Variants in PGAP6 observed in about 807,000 individuals in gnomAD.
The protein encoded by PGAP6 is post-GPI attachment to proteins 6.
PGAP6 carries 62 observed loss-of-function variants against 68.4 expected under a neutral mutation model. The observed-to-expected ratio is 0.91, with a 90% CI of 0.74 to 1.12. PGAP6 has a LOEUF of 1.12. PGAP6 is among the 50% of genes most tolerant of loss of function. The probability of loss-of-function intolerance (pLI) is 0.00; values close to 1 mark genes in which losing one functional copy is unlikely to be tolerated. For missense variants in PGAP6, 1,188 were observed against 1,068.5 expected, an observed-to-expected ratio of 1.11 and a Z score of -1.56; for synonymous variants, 575 against 474.0, an observed-to-expected ratio of 1.21 and a Z score of -2.77.
rs1246224358 is a variant in PGAP6, at chr16:370,850, T to TA, written c.*1136dup. The TA allele has an allele frequency of 6.6e-6, 1 of 152,518 alleles. No individual in the cohort carries two copies. Among genetic ancestry groups the TA allele is most frequent in the East Asian group, 1.9e-4 (1 of 5,170 alleles). 9.4% of individuals were successfully genotyped at this position (152,518 alleles called of 1,614,324 possible). ...CAAACACAGATAGATCAGATCTACA[T>TA]AAAAATATGTCTTAATATCTTAGAA... On this transcript the variant is annotated 3_prime_UTR_variant, in exon 13 of 13. Transcript: ENST00000431232.
chr16:382,460 G>A, upstream of PGAP6: 1 of 373,704 alleles, frequency 2.7e-6, no homozygotes, highest in Admixed American at 4.6e-5. Flanking sequence ...CGGCCTTCAC[G>A]CCGCAGAGCC....
At chr16:377,899 C>T (rs1192406998) in intron 1 of PGAP6, 51 bp from the exon 2 acceptor site, 2 of 1,477,662 alleles carry the variant, frequency 1.4e-6, no homozygotes, top group Admixed American at 4.3e-5. Flanking sequence ...TCCAGGGCCG[C>T]AGATGGGGAG....
chr16:382,751 G>C (rs1573736), upstream of PGAP6, among the ~76,000 whole-genome samples: 1 of 144,782 alleles, frequency 6.9e-6, no homozygotes, highest in African/African-American at 2.5e-5. Flanking sequence ...TGGGTGGGAG[G>C]GGGGTGGGGG....
rs750590444 is a variant in PGAP6, at chr16:372,067, G to A, written c.2236C>T (p.Pro746Ser). 3 of 1,612,492 alleles carry A rather than the reference G, an allele frequency of 1.9e-6. No individual in the cohort carries two copies. Among genetic ancestry groups the A allele is most frequent in the African/African-American group, 2.7e-5 (2 of 75,012 alleles). The change falls in exon 13 of 13, where the codon CCC becomes TCC. Residue 746 changes from proline (P) to serine (S), a missense_variant. Pro to Ser is a moderately conservative substitution (Grantham distance 74, BLOSUM62 -1). Coordinates refer to ENST00000431232, the MANE Select transcript of PGAP6 (RefSeq NM_021259.3). ...GGGAATTTCTGCGAGCAGGCCCAGG[G>A]CTCGGCGGGCTGGTCAGGTGGCGGC... is the stretch of plus-strand genomic sequence containing the variant. ...LLPPPDQPAE[P>S]WACSQKFPCH...
upstream of PGAP6, among the ~76,000 whole-genome samples, chr16:384,855 CAA>C (rs559192580): frequency 1.1e-4 from 12 of 110,122 alleles, no homozygotes; most frequent in Non-Finnish European, 1.3e-4. Flanking sequence ...GACTCCATCT[CAA>C]AAAAAAAAAA....
At chr16:380,794 G>A (rs1354624736) in intron 1 of PGAP6, among the ~76,000 whole-genome samples, 3 of 151,074 alleles carry the variant, frequency 2.0e-5, no homozygotes, top group Non-Finnish European at 4.4e-5. Context: ...TATTTCAGGG[G>A]CAGGGGAGGG....
chr16:375,990 C>G, intron 6 of PGAP6, 146 bp downstream of exon 6: 1 of 835,894 alleles, frequency 1.2e-6, no homozygotes, highest in Non-Finnish European at 1.8e-6. Flanking sequence ...AGGGGAGGCC[C>G]CCCAACATGG....
intron 1 of PGAP6, 31 bp downstream of exon 1, chr16:381,670 G>A: frequency 8.9e-7 from 1 of 1,119,526 alleles, no homozygotes; most frequent in East Asian, 3.7e-5. Flanking sequence ...CCGGCCCCAC[G>A]CCCCCGATGG....
chr16:381,650 G>A, intron 1 of PGAP6, 51 bp downstream of exon 1: 18 of 986,982 alleles, frequency 1.8e-5, no homozygotes, highest in South Asian at 4.8e-5. Flanking sequence ...ATCCCGCCCC[G>A]CCCGCAGCCC....
chr16:372,345 C>T, intron 12 of PGAP6, 62 bp from the exon 13 acceptor site: 1 of 1,529,594 alleles, frequency 6.5e-7, no homozygotes, highest in Admixed American at 1.8e-5. Flanking sequence ...CTCCCAGGGC[C>T]CAGATACGGT....
In PGAP6 at chr16:381,951, G is replaced by T; in HGVS notation, c.-130C>A. ...TGCCCCCGGCGCCCATGGCCCGGCC[G>T]GTCCCCGCCGCCGTCGCCCCGGGCA... On this transcript the variant is annotated 5_prime_UTR_variant, in exon 1 of 13. Transcript: ENST00000431232. 2.1e-6 allele frequency: 2 copies of T among 973,874 alleles called. No individual in the cohort carries two copies. Among genetic ancestry groups the T allele is most frequent in the South Asian group, 4.6e-5 (1 of 21,858 alleles). 60.3% of individuals were successfully genotyped at this position (973,874 alleles called of 1,614,324 possible).
intron 1 of PGAP6, 121 bp downstream of exon 1, chr16:381,579 CG>C: frequency 1.3e-6 from 1 of 769,570 alleles, no homozygotes; most frequent in Non-Finnish European, 1.7e-6. Flanking sequence ...CAACCCGCGG[CG>C]GGGACCCCCA....
intron 12 of PGAP6, 37 bp from the exon 13 acceptor site, chr16:372,320 G>T (rs749482789): frequency 6.3e-7 from 1 of 1,576,708 alleles, no homozygotes; most frequent in South Asian, 1.1e-5. Flanking sequence ...AGTGCAGGTG[G>T]GGCCGCGGCT....
intron 1 of PGAP6, among the ~76,000 whole-genome samples, chr16:378,189 C>T (rs1189500702): frequency 2.0e-5 from 3 of 146,986 alleles, no homozygotes; most frequent in Admixed American, 1.3e-4. Flanking sequence ...TCCCCACCCG[C>T]ACTGCCATCG....
chr16:385,533 G>C (rs189834899), upstream of PGAP6, among the ~76,000 whole-genome samples: 208 of 148,736 alleles, frequency 1.4e-3, 2 homozygotes, highest in African/African-American at 4.4e-3. Flanking sequence ...GGATGGTCTC[G>C]ATCTCCTGAC....
Position 372,655 on chromosome 16 carries a change from G to A in PGAP6, c.1975C>T (p.Leu659=). ...ACGAAGGCAAAGAGGCAGGGCCCCA[G>A]CATGTTCCACATGCCCCTGCGGTCC... ...QLDRRGMWNM[L]GPCLFAFVIM... is the part of the protein sequence containing the mutation. The change falls in exon 12 of 13, where the codon CTG becomes TTG. Residue 659 remains leucine, a synonymous_variant. Coordinates refer to ENST00000431232, the MANE Select transcript of PGAP6 (RefSeq NM_021259.3). 1.2e-6 allele frequency: 2 copies of A among 1,612,474 alleles called. No homozygotes were observed. The highest frequency in any genetic ancestry group is 1.7e-6 in the Non-Finnish European group (2 of 1,179,882).
chr16:374,841 G>A lies in PGAP6; in HGVS notation c.1491C>T (p.Pro497=). Residue 497 remains proline (P), a synonymous_variant, in exon 9 of 13, where the codon CCC becomes CCT. Coordinates refer to ENST00000431232, the MANE Select transcript of PGAP6 (RefSeq NM_021259.3). ...CATAGGGTCCACAATCGTTCAAACA[G>A]GGCACCAGGTACAAGGTGGTCTCCA... ...VHVETTLYLV[P]CLNDCGPYGQ... is the part of the protein sequence containing the mutation. 6.2e-7 allele frequency: 1 copy of A among 1,613,024 alleles called. No homozygotes were observed. The highest frequency in any genetic ancestry group is 1.1e-5 in the South Asian group (1 of 91,084).
intron 3 of PGAP6, 63 bp downstream of exon 3, chr16:377,315 C>T (rs1486612850): frequency 2.8e-5 from 43 of 1,549,374 alleles, no homozygotes; most frequent in South Asian, 4.8e-5. Context: ...AAGAGGTGAA[C>T]GGCAGGGACA....
upstream of PGAP6, chr16:381,990 G>T (rs2054444324): frequency 1.1e-6 from 1 of 946,522 alleles, no homozygotes; most frequent in African/African-American, 1.8e-5. Flanking sequence ...CCGCCCGCAG[G>T]CCCCGCCCCG....
Sources: gnomAD v4.1 joint callset for allele counts (sites outside exome capture counted in the v4.1 genomes callset) on GRCh38, gnomAD v4.1.1 for gene constraint, MANE v1.5 for transcripts, NCBI Gene and HGNC (gene_info 2026-07-23, HGNC 2026-07-21) for gene names.